Variants in ZDHHC20 observed in about 807,000 individuals in gnomAD.
ZDHHC20 encodes the protein palmitoyltransferase ZDHHC20.
Under a neutral mutation model 57.8 loss-of-function variants are expected in ZDHHC20, and 43 were observed. The ratio of observed to expected loss-of-function variants is 0.74; its 90% CI spans 0.58 to 0.96. The LOEUF is 0.96. Among genes scored for constraint, ZDHHC20 ranks in the 40% least tolerant of loss-of-function variants. The pLI, the probability that ZDHHC20 is intolerant of heterozygous loss-of-function variation, is 0.00. For missense variants in ZDHHC20, 391 were observed against 441.1 expected, an observed-to-expected ratio of 0.89 and a Z score of 1.02; for synonymous variants, 157 against 153.0, an observed-to-expected ratio of 1.03 and a Z score of -0.19.
intron 6 of ZDHHC20, among the ~76,000 whole-genome samples, chr13:21,401,114 T>A (rs1257029078): frequency 6.6e-6 from 1 of 151,702 alleles, no homozygotes; most frequent in African/African-American, 2.4e-5. Flanking sequence ...CCCATCTCTA[T>A]TAAAAATACA....
At chr13:21,395,398 T>A (rs1243812334) in intron 7 of ZDHHC20, among the ~76,000 whole-genome samples, 2 of 151,128 alleles carry the variant, frequency 1.3e-5, no homozygotes, top group African/African-American at 4.9e-5. Flanking sequence ...GTATGTGACC[T>A]TCGGTAGTTG....
At chr13:21,444,933 G>A (rs145711499) in intron 1 of ZDHHC20, among the ~76,000 whole-genome samples, 5 of 152,144 alleles carry the variant, frequency 3.3e-5, no homozygotes, top group Non-Finnish European at 7.4e-5. Flanking sequence ...TTATGCGCCT[G>A]TAGTCCCAGC....
At chr13:21,418,060 A>G (rs1880218854) in intron 3 of ZDHHC20, among the ~76,000 whole-genome samples, 1 of 152,188 alleles carries the variant, frequency 6.6e-6, no homozygotes, top group Non-Finnish European at 1.5e-5. Flanking sequence ...TTTAATAATT[A>G]ATTAATTTAA....
At chr13:21,448,420 G>T (rs1678775760) in intron 1 of ZDHHC20, among the ~76,000 whole-genome samples, 1 of 116,112 alleles carries the variant, frequency 8.6e-6, no homozygotes. Context: ...GGAGGTGGGG[G>T]GGTCAGCCCC....
chr13:21,420,931 A>C lies in ZDHHC20; in HGVS notation c.249+130T>G. ...CTGATGACTCACATTCACAGTACAGAGCAACCAAGCAGTTTTATGAATGGA... is the reference window on the plus strand; with the variant it reads ...CTGATGACTCACATTCACAGTACAGCGCAACCAAGCAGTTTTATGAATGGA... On this transcript the variant is annotated intron_variant, in intron 3 of 12. Coordinates refer to ENST00000400590, the MANE Select transcript of ZDHHC20 (RefSeq NM_001330059.2). The C allele has an allele frequency of 1.0e-5, 7 of 685,302 alleles. No homozygotes were observed. The South Asian group carries it at 1.2e-4, about 12-fold the overall frequency. The allele number at this position is 685,302 out of a possible 1,614,324, so 42.5% of individuals were successfully genotyped here. A position where few individuals can be genotyped will look rare whatever the true frequency, so the allele number is the denominator to read the frequency against.
intron 1 of ZDHHC20, among the ~76,000 whole-genome samples, chr13:21,453,340 G>A (rs9509730): frequency 6.6e-6 from 1 of 152,042 alleles, no homozygotes; most frequent in African/African-American, 2.4e-5. Context: ...GAACTACAAG[G>A]AGAAATAAAT....
intron 2 of ZDHHC20, among the ~76,000 whole-genome samples, chr13:21,424,273 A>C (rs1880999446): frequency 6.6e-6 from 1 of 152,202 alleles, no homozygotes. Flanking sequence ...ATAGGAAGTA[A>C]AATCATAGTT....
intron 3 of ZDHHC20, among the ~76,000 whole-genome samples, chr13:21,418,567 G>C (rs1190834883): frequency 6.6e-6 from 1 of 152,038 alleles, no homozygotes; most frequent in Non-Finnish European, 1.5e-5. Flanking sequence ...TACAGAGGAG[G>C]GATCAACTAA....
In ZDHHC20 at chr13:21,375,169, G is replaced by C. The variant is rs1593154345; in HGVS notation, c.*1527C>G. The C allele has an allele frequency of 6.6e-6, 3 of 456,536 alleles. No homozygotes were observed. The highest frequency in any genetic ancestry group is 1.3e-5 in the Non-Finnish European group (3 of 226,924). The allele number at this position is 456,536 out of a possible 1,614,324, so 28.3% of individuals were successfully genotyped here. On this transcript the variant is annotated 3_prime_UTR_variant, in exon 13 of 13. Transcript: ENST00000400590. Reference sequence around the variant, plus strand: ...AAAAAATTTATTGGGTGAATGAAAAGTGATTTTGCAAAATTAGGCATCACA... The same window carrying C: ...AAAAAATTTATTGGGTGAATGAAAACTGATTTTGCAAAATTAGGCATCACA...
At position 21,376,624 on chromosome 13, in the gene ZDHHC20, T is replaced by G; in HGVS notation, c.*72A>C. On this transcript the variant is annotated 3_prime_UTR_variant, in exon 13 of 13. Coordinates refer to ENST00000400590, the MANE Select transcript of ZDHHC20 (RefSeq NM_001330059.2). ...TGATCATTTTCTTGCAAATGAAAAT[T>G]GAAAATACCAGTCTATAATGTTTTC... is the stretch of plus-strand genomic sequence containing the variant. 1 of 1,383,450 alleles carries G rather than the reference T, an allele frequency of 7.2e-7. No individual in the cohort carries two copies. The highest frequency in any genetic ancestry group is 9.7e-7 in the Non-Finnish European group (1 of 1,029,504). The allele number at this position is 1,383,450 out of a possible 1,614,324, so 85.7% of individuals were successfully genotyped here.
intron 7 of ZDHHC20, among the ~76,000 whole-genome samples, chr13:21,397,592 T>C (rs1877001087): frequency 6.6e-6 from 1 of 151,888 alleles, no homozygotes; most frequent in African/African-American, 2.4e-5. Context: ...GCCTGGGAGA[T>C]TGAAACTGCA....
chr13:21,396,062 G>A (rs1474611349), intron 7 of ZDHHC20, among the ~76,000 whole-genome samples: 1 of 152,058 alleles, frequency 6.6e-6, no homozygotes, highest in Non-Finnish European at 1.5e-5. Flanking sequence ...AGATAGCCCC[G>A]ATACCTGAGT....
intron 1 of ZDHHC20, among the ~76,000 whole-genome samples, chr13:21,447,245 C>CG (rs61224069): frequency 0.99 from 147,534 of 148,288 alleles, 73,396 homozygotes; most frequent in Middle Eastern, 1. Context: ...GCCGAGGACT[C>CG]GTCCCAGTTT....
At chr13:21,376,766 A>C (rs1250700445) in intron 12 of ZDHHC20, 111 bp from the exon 13 acceptor site, 1 of 606,950 alleles carries the variant, frequency 1.6e-6, no homozygotes, top group Non-Finnish European at 2.7e-6. Context: ...AACAAGATGG[A>C]AAATGAATTC....
At chr13:21,457,180 CA>C (rs1475521935) in intron 1 of ZDHHC20, among the ~76,000 whole-genome samples, 1 of 152,222 alleles carries the variant, frequency 6.6e-6, no homozygotes, top group Non-Finnish European at 1.5e-5. Flanking sequence ...AGACTTTTCA[CA>C]GCACTGTTTG....
At chr13:21,403,788 A>G (rs1878057602) in intron 4 of ZDHHC20, among the ~76,000 whole-genome samples, 2 of 152,134 alleles carry the variant, frequency 1.3e-5, no homozygotes, top group African/African-American at 4.8e-5. Flanking sequence ...CCTGGGTTCA[A>G]GCAATTCTCC....
At chr13:21,411,264 G>A (rs9580106) in intron 4 of ZDHHC20, among the ~76,000 whole-genome samples, 1 of 152,174 alleles carries the variant, frequency 6.6e-6, no homozygotes, top group Non-Finnish European at 1.5e-5. Context: ...TGCCTTCTGC[G>A]TTGGTCTCAC....
At chr13:21,447,488 T>TGGCCG (rs1193910982) in intron 1 of ZDHHC20, among the ~76,000 whole-genome samples, 1 of 145,360 alleles carries the variant, frequency 6.9e-6, no homozygotes, top group Non-Finnish European at 1.5e-5. Context: ...TTGGCTGTGT[T>TGGCCG]GGCCGGGCCG....
chr13:21,452,874 T>C (rs953903610), intron 1 of ZDHHC20, among the ~76,000 whole-genome samples: 37 of 151,868 alleles, frequency 2.4e-4, no homozygotes, highest in African/African-American at 8.7e-4. Flanking sequence ...TTAAAAAAAT[T>C]GTAAAGATCA....
Sources: allele counts gnomAD v4.1 joint callset (sites outside exome capture counted in the v4.1 genomes callset), GRCh38; gene constraint gnomAD v4.1.1; transcripts MANE v1.5; gene names NCBI Gene and HGNC (gene_info 2026-07-23, HGNC 2026-07-21).